The following NPL variants were observed in gnomAD, a reference collection of about 807,000 sequenced individuals.
The protein encoded by NPL is N-acetylneuraminate pyruvate lyase.
NPL carries 32 observed loss-of-function variants against 41.1 expected under a neutral mutation model. That is an observed-to-expected ratio of 0.78 (90% CI 0.59 to 1.05). The LOEUF (loss-of-function observed/expected upper bound fraction) is 1.05. NPL is among the 50% of genes least tolerant of loss of function. The pLI is 0.00. For synonymous variants in NPL, 128 were observed against 134.9 expected, an observed-to-expected ratio of 0.95 and a Z score of 0.35; for missense variants, 321 against 378.4, an observed-to-expected ratio of 0.85 and a Z score of 1.26.
Position 182,789,788 on chromosome 1 carries a change from A to C in NPL, c.-89A>C, listed in dbSNP as rs970616424. The C allele has an allele frequency of 1.3e-5, 2 of 153,198 alleles. No individual in the cohort carries two copies. Among genetic ancestry groups the C allele is most frequent in the African/African-American group, 4.8e-5 (2 of 41,466 alleles). 9.5% of individuals were successfully genotyped at this position (153,198 alleles called of 1,614,324 possible). A position where few individuals can be genotyped will look rare whatever the true frequency, so the allele number is the denominator to read the frequency against. On this transcript the variant is annotated 5_prime_UTR_variant, in exon 1 of 13. Transcript: ENST00000367553. Reference sequence around the variant, plus strand: ...GCTGCCGGGCGGAGCGGCTGCACGGACAAGAGCGGAGGCCTGGGTGAGCGC... The same window carrying C: ...GCTGCCGGGCGGAGCGGCTGCACGGCCAAGAGCGGAGGCCTGGGTGAGCGC...
At position 182,819,099 on chromosome 1, in the gene NPL, C is replaced by T. The variant is rs540465079; in HGVS notation, c.653+240C>T. Among the ~76,000 whole-genome samples, 148 of 152,126 alleles carry T rather than the reference C, an allele frequency of 9.7e-4. 2 individuals are homozygous for T. The South Asian group carries it at 0.027, about 28-fold the overall frequency. ...CTTTGGGAGGCCAAGGTGGGCAGAT[C>T]ACTTGAGGTCAGGAGTTCAAAACCA... On this transcript the variant is annotated intron_variant, in intron 10 of 12. Transcript: ENST00000367553.
chr1:182,795,125 C>G (rs1421363521), intron 3 of NPL, among the ~76,000 whole-genome samples: 2 of 152,098 alleles, frequency 1.3e-5, no homozygotes, highest in Non-Finnish European at 2.9e-5. Flanking sequence ...ACATAGGGAG[C>G]CATGCACTGT....
chr1:182,817,366 C>T (rs1667362746), intron 8 of NPL, among the ~76,000 whole-genome samples: 1 of 152,158 alleles, frequency 6.6e-6, no homozygotes, highest in Admixed American at 6.5e-5. Flanking sequence ...AAAAACGAAA[C>T]AAAACTGCTT....
At position 182,818,666 on chromosome 1, in the gene NPL, G is replaced by A. The variant is rs746662509; in HGVS notation, c.583G>A (p.Ala195Thr). Reference sequence around the variant, plus strand: ...TGATCAGAATCGCCAGCAACAGTTTGCTTTCCTTTTTGGGGTGGATGAGGT... The same window carrying A: ...TGATCAGAATCGCCAGCAACAGTTTACTTTCCTTTTTGGGGTGGATGAGGT... Reference protein sequence around the residue: ...CVDQNRQQQFAFLFGVDEQLL... With the variant: ...CVDQNRQQQFTFLFGVDEQLL... Residue 195 changes from alanine (A) to threonine (T), a missense_variant, in exon 9 of 13, where the codon GCT (alanine) becomes ACT (threonine). Ala to Thr is a moderately conservative substitution (Grantham distance 58, BLOSUM62 0). Transcript: ENST00000367553. 5.6e-6 allele frequency: 9 copies of A among 1,614,200 alleles called. No individual in the cohort carries two copies. The South Asian group carries it at 8.8e-5, about 16-fold the overall frequency.
At chr1:182,806,714 C>T (rs746673835) in intron 5 of NPL, among the ~76,000 whole-genome samples, 6 of 152,182 alleles carry the variant, frequency 3.9e-5, no homozygotes, top group Non-Finnish European at 8.8e-5. Context: ...TGTTGGAGGA[C>T]TTTCTGTAGC....
chr1:182,815,584 A>G (rs1255495340), intron 7 of NPL, among the ~76,000 whole-genome samples: 1 of 152,186 alleles, frequency 6.6e-6, no homozygotes, highest in African/African-American at 2.4e-5. Context: ...TAAAATGAAC[A>G]TTTTTAAAGT....
In NPL at chr1:182,814,737, A is replaced by G. The variant is rs200713883; in HGVS notation, c.289-46A>G. 2.8e-5 allele frequency: 41 copies of G among 1,475,106 alleles called. No individual in the cohort carries two copies. The African/African-American group carries it at 4.8e-4, about 17-fold the overall frequency. 91.4% of individuals were successfully genotyped at this position (1,475,106 alleles called of 1,614,324 possible). A position where few individuals can be genotyped will look rare whatever the true frequency, so the allele number is the denominator to read the frequency against. On this transcript the variant is annotated intron_variant, in intron 6 of 12. Transcript: ENST00000367553. ...CTTAGTATCTAAGCTATAGGTGACTATAGTAAATCACTTGCTCCAATATGG... is the reference window on the plus strand; with the variant it reads ...CTTAGTATCTAAGCTATAGGTGACTGTAGTAAATCACTTGCTCCAATATGG...
chr1:182,806,471 A>G, intron 5 of NPL: 1 of 1,536,250 alleles, frequency 6.5e-7, no homozygotes, highest in Non-Finnish European at 8.7e-7. Flanking sequence ...CCGCTGGGAA[A>G]CTGCTTCTTA....
intron 3 of NPL, among the ~76,000 whole-genome samples, chr1:182,796,855 T>G (rs1042598441): frequency 1.3e-5 from 2 of 151,944 alleles, no homozygotes; most frequent in Non-Finnish European, 1.5e-5. Flanking sequence ...GTCAACATGG[T>G]GAAACCGCCT....
At chr1:182,806,394 A>G in intron 5 of NPL, 162 bp downstream of exon 5, 1 of 1,543,298 alleles carries the variant, frequency 6.5e-7, no homozygotes, top group Non-Finnish European at 8.7e-7. Context: ...CTTCTTGGAG[A>G]AGAGCCCCCT....
At chr1:182,818,930 A>G (rs1667413324) in intron 10 of NPL, 71 bp downstream of exon 10, 1 of 1,242,178 alleles carries the variant, frequency 8.1e-7, no homozygotes. Context: ...AAGTAGCTGT[A>G]TTTCTTGCAT....
intron 10 of NPL, 120 bp from the exon 11 acceptor site, chr1:182,821,995 A>C (rs1667499084): frequency 2.7e-6 from 2 of 744,328 alleles, no homozygotes; most frequent in South Asian, 3.0e-5. Context: ...ATTAGGATTC[A>C]AAAACAGACT....
chr1:182,810,878 G>A (rs1208677348), intron 5 of NPL, among the ~76,000 whole-genome samples: 2 of 152,164 alleles, frequency 1.3e-5, no homozygotes, highest in African/African-American at 4.8e-5. Flanking sequence ...AAATTGAGGT[G>A]TAAAGGTGTT....
intron 11 of NPL, among the ~76,000 whole-genome samples, chr1:182,822,620 G>A (rs1473031327): frequency 1.3e-5 from 2 of 152,162 alleles, no homozygotes; most frequent in Non-Finnish European, 2.9e-5. Context: ...CAAAGTCAGG[G>A]CAGGTCAGTC....
At chr1:182,806,091 T>A in intron 4 of NPL, 54 bp from the exon 5 acceptor site, 1 of 1,610,050 alleles carries the variant, frequency 6.2e-7, no homozygotes. Flanking sequence ...AGACTCGGGG[T>A]TGGAGAAGCA....
rs758107395 is a variant in NPL at position 182,814,819 on chromosome 1, G to A, written c.325G>A (p.Ala109Thr). The part of the protein sequence containing the change: ...HAAEIGADGI[A>T]VIAPFFLKPW... ...AGCAGAAATAGGAGCTGATGGCATCGCTGTCATTGCACCGTTCTTCCTCAA... is the reference window on the plus strand; with the variant it reads ...AGCAGAAATAGGAGCTGATGGCATCACTGTCATTGCACCGTTCTTCCTCAA... The change falls in exon 7 of 13, where the codon GCT (alanine) becomes ACT (threonine). Residue 109 changes from alanine to threonine, a missense_variant. By Grantham distance (58) the Ala-to-Thr change is moderately conservative. Transcript: ENST00000367553. The A allele has an allele frequency of 8.7e-6, 14 of 1,613,898 alleles. No individual in the cohort carries two copies. The highest frequency in any genetic ancestry group is 2.2e-5 in the South Asian group (2 of 91,088).
At chr1:182,803,665 C>T (rs1270832686) in intron 3 of NPL, 33 bp from the exon 4 acceptor site, 1 of 1,424,018 alleles carries the variant, frequency 7.0e-7, no homozygotes. Flanking sequence ...CTGAAAAAGA[C>T]TAAATATGCC....
At chr1:182,810,522 G>A (rs767141294) in intron 5 of NPL, among the ~76,000 whole-genome samples, 5 of 152,034 alleles carry the variant, frequency 3.3e-5, no homozygotes, top group Non-Finnish European at 7.4e-5. Flanking sequence ...ACCAAAATAA[G>A]TACTCATGTA....
At chr1:182,808,632 G>A (rs1279063430) in intron 5 of NPL, among the ~76,000 whole-genome samples, 2 of 152,102 alleles carry the variant, frequency 1.3e-5, no homozygotes, top group Non-Finnish European at 2.9e-5. Flanking sequence ...ACACTGCCAT[G>A]GAAGAAGAGA....
Sources: allele counts gnomAD v4.1 joint callset (sites outside exome capture counted in the v4.1 genomes callset), GRCh38; gene constraint gnomAD v4.1.1; transcripts MANE v1.5; gene names NCBI Gene and HGNC (gene_info 2026-07-23, HGNC 2026-07-21).